FANCC: variants seen among roughly 807,000 people sequenced by gnomAD.
FANCC encodes the protein Fanconi anemia group C protein.
A neutral mutation model predicts 71.3 loss-of-function variants in FANCC; 55 were observed. The ratio of observed to expected loss-of-function variants is 0.77; its 90% CI spans 0.62 to 0.97. The LOEUF (loss-of-function observed/expected upper bound fraction) is 0.97. Among genes scored for constraint, FANCC ranks in the 50% least tolerant of loss-of-function variants. The pLI, the probability that FANCC is intolerant of heterozygous loss-of-function variation, is 0.00. For missense variants in FANCC, 678 were observed against 670.9 expected (o/e 1.01, Z -0.12); for synonymous variants, 275 against 244.9 (o/e 1.12, Z -1.15).
chr9:95,235,830 G>C (rs76195172), intron 4 of FANCC, among the ~76,000 whole-genome samples: 1 of 98,602 alleles, frequency 1.0e-5, no homozygotes, highest in East Asian at 3.5e-4. Context: ...GGCAACAAGA[G>C]TGAAACTCCA....
intron 6 of FANCC, among the ~76,000 whole-genome samples, chr9:95,153,427 G>T (rs1830290058): frequency 6.6e-6 from 1 of 152,034 alleles, no homozygotes; most frequent in Non-Finnish European, 1.5e-5. Context: ...TCTCCATACT[G>T]TTTTCCATAG....
chr9:95,103,534 C>T (rs2071215424), intron 14 of FANCC, among the ~76,000 whole-genome samples: 1 of 152,176 alleles, frequency 6.6e-6, no homozygotes, highest in African/African-American at 2.4e-5. Flanking sequence ...TCCATGCAGT[C>T]CTCTGCTCTG....
At chr9:95,278,606 G>GT (rs1228493821) in intron 1 of FANCC, among the ~76,000 whole-genome samples, 1 of 152,084 alleles carries the variant, frequency 6.6e-6, no homozygotes, top group Non-Finnish European at 1.5e-5. Flanking sequence ...GGGTAAACAA[G>GT]TAACACTCTA....
intron 1 of FANCC, among the ~76,000 whole-genome samples, chr9:95,300,351 A>G (rs907835068): frequency 5.9e-5 from 9 of 152,242 alleles, no homozygotes; most frequent in Non-Finnish European, 8.8e-5. Context: ...AGGAAAATTT[A>G]AGCCAAAAAT....
chr9:95,195,195 T>C (rs1406853201), intron 4 of FANCC, among the ~76,000 whole-genome samples: 2 of 32,700 alleles, frequency 6.1e-5, no homozygotes, highest in Admixed American at 9.3e-4. Flanking sequence ...AGACTCCGTC[T>C]CAAAAAAAAA....
intron 1 of FANCC, chr9:95,292,376 G>A (rs997288949): frequency 5.9e-6 from 6 of 1,021,868 alleles, no homozygotes; most frequent in African/African-American, 5.2e-5. Flanking sequence ...CGGGGTCCAC[G>A]GCTCTGGCGG....
rs1722117176 is a variant in FANCC at position 95,182,260 on chromosome 9, C to CACAG, written c.346-10114_346-10113insCTGT. Among the ~76,000 whole-genome samples the CACAG allele has an allele frequency of 3.3e-5, 5 of 151,480 alleles. 1 individual carries two copies. Among genetic ancestry groups the CACAG allele is most frequent in the African/African-American group, 1.2e-4 (5 of 41,342 alleles). ...TGTTGGCCAGGCGTGGTGGCTCACG[C>CACAG]CTGTAATCCCAGTACTTTGGGAGGC... On this transcript the variant is annotated intron_variant, in intron 4 of 14. Transcript: ENST00000289081.
At chr9:95,176,573 T>C (rs1049099710) in intron 4 of FANCC, among the ~76,000 whole-genome samples, 8 of 152,248 alleles carry the variant, frequency 5.3e-5, no homozygotes, top group African/African-American at 1.9e-4. Flanking sequence ...ATTTACCAAG[T>C]GCTTACAATG....
intron 1 of FANCC, among the ~76,000 whole-genome samples, chr9:95,269,011 A>T (rs1395805723): frequency 6.6e-6 from 1 of 152,208 alleles, no homozygotes; most frequent in Non-Finnish European, 1.5e-5. Context: ...TCAGTAAAAT[A>T]TGACTGTGGA....
At chr9:95,205,613 T>G (rs1255662992) in intron 4 of FANCC, among the ~76,000 whole-genome samples, 2 of 151,432 alleles carry the variant, frequency 1.3e-5, no homozygotes, top group Non-Finnish European at 2.9e-5. Context: ...GAATGATACA[T>G]TTCCATTTGT....
intron 13 of FANCC, among the ~76,000 whole-genome samples, chr9:95,109,307 A>T (rs2071719695): frequency 6.6e-6 from 1 of 152,328 alleles, no homozygotes; most frequent in Middle Eastern, 3.4e-3. Context: ...TTGAAAGTTC[A>T]GGCCATTTCC....
In FANCC at chr9:95,249,116, C is replaced by G. The variant is rs1588353233; in HGVS notation, c.165+11G>C. On this transcript the variant is annotated intron_variant, in intron 2 of 14. Coordinates refer to ENST00000289081, the MANE Select transcript of FANCC (RefSeq NM_000136.3). Reference sequence around the variant, plus strand: ...CAGAAAATAATTTCATTATTCTGGTCCACTACTTACCATCTCTTTCAAGGC... The same window carrying G: ...CAGAAAATAATTTCATTATTCTGGTGCACTACTTACCATCTCTTTCAAGGC... The G allele has an allele frequency of 6.2e-7, 1 of 1,613,250 alleles. No homozygotes were observed. Among genetic ancestry groups the G allele is most frequent in the Non-Finnish European group, 8.5e-7 (1 of 1,179,572 alleles).
chr9:95,218,903 A>G (rs796381511), intron 4 of FANCC, among the ~76,000 whole-genome samples: 15 of 152,326 alleles, frequency 9.8e-5, no homozygotes, highest in African/African-American at 3.6e-4. Flanking sequence ...GCAACCAAGC[A>G]AACACCCAAT....
At chr9:95,178,535 T>C (rs1826151712) in intron 4 of FANCC, among the ~76,000 whole-genome samples, 3 of 152,242 alleles carry the variant, frequency 2.0e-5, no homozygotes, top group Admixed American at 2.0e-4. Context: ...CGCCCTGGAA[T>C]GAGTCCCTCT....
intron 4 of FANCC, among the ~76,000 whole-genome samples, chr9:95,230,050 G>A (rs1015386569): frequency 6.6e-5 from 10 of 152,026 alleles, no homozygotes; most frequent in Admixed American, 3.9e-4. Flanking sequence ...TGTCTGAAAA[G>A]CTGACAAATC....
intron 13 of FANCC, chr9:95,109,619 C>T (rs2134503845): frequency 6.6e-6 from 1 of 152,306 alleles, no homozygotes; most frequent in Middle Eastern, 3.4e-3. Context: ...GGCCTTCTCA[C>T]AGGCAGGACA....
At chr9:95,245,792 G>A (rs1194705984) in intron 3 of FANCC, among the ~76,000 whole-genome samples, 3 of 150,082 alleles carry the variant, frequency 2.0e-5, no homozygotes, top group African/African-American at 7.3e-5. Context: ...AGCTACCTGG[G>A]AGGCTGAGGC....
intron 1 of FANCC, among the ~76,000 whole-genome samples, chr9:95,279,947 CAAAAAAAAAAAAAA>C (rs71498957): frequency 1.1e-4 from 7 of 64,770 alleles, no homozygotes; most frequent in Non-Finnish European, 2.1e-4. Flanking sequence ...GACTCTGTCT[CAAAAAAAAAAAAAA>C]AAAAAAAAAA....
At position 95,108,351 on chromosome 9, in the gene FANCC, G is replaced by A. The variant is rs577289397; in HGVS notation, c.1330-1082C>T. Among the ~76,000 whole-genome samples, 36 of 152,334 alleles carry A rather than the reference G, an allele frequency of 2.4e-4. 1 individual carries two copies. In the East Asian group the frequency reaches 3.9e-3, roughly 16 times the overall value. ...GCCGGCCCAGCCTGCCGGGTCTGAT[G>A]GTGTCTACGGGAGCCCAAGGCCATT... On this transcript the variant is annotated intron_variant, in intron 13 of 14. Transcript: ENST00000289081.
Sources: gnomAD v4.1 joint callset for allele counts (sites outside exome capture counted in the v4.1 genomes callset) on GRCh38, gnomAD v4.1.1 for gene constraint, MANE v1.5 for transcripts, NCBI Gene and HGNC (gene_info 2026-07-23, HGNC 2026-07-21) for gene names.